SOX30: variants seen among roughly 807,000 people sequenced by gnomAD.
SOX30 encodes the protein transcription factor SOX-30.
SOX30 carries 17 observed loss-of-function variants against 58.6 expected under a neutral mutation model. That is an observed-to-expected ratio of 0.29 (90% CI 0.20 to 0.44). The LOEUF is 0.44. SOX30 is among the 20% of genes least tolerant of loss of function. SOX30 has a pLI of 1.00. For missense variants in SOX30, 951 were observed against 965.8 expected, an observed-to-expected ratio of 0.98 and a Z score of 0.20; for synonymous variants, 421 against 400.2, an observed-to-expected ratio of 1.05 and a Z score of -0.62.
chr5:157,652,159 C>A lies in SOX30; in HGVS notation c.-81G>T. On this transcript the variant is annotated 5_prime_UTR_variant, in exon 1 of 5. Coordinates refer to ENST00000265007, the MANE Select transcript of SOX30 (RefSeq NM_178424.2). Reference sequence around the variant, plus strand: ...TCCCCCTCCCCCTTTCGGTTAAGAGCCTTGCAAGGCCTTTGCTACCCAGAA... The same window carrying A: ...TCCCCCTCCCCCTTTCGGTTAAGAGACTTGCAAGGCCTTTGCTACCCAGAA... The A allele has an allele frequency of 2.2e-6, 3 of 1,374,722 alleles. No individual in the cohort carries two copies. The highest frequency in any genetic ancestry group is 2.8e-6 in the Non-Finnish European group (3 of 1,072,956). 85.2% of individuals were successfully genotyped at this position (1,374,722 alleles called of 1,614,324 possible). A position where few individuals can be genotyped will look rare whatever the true frequency, so the allele number is the denominator to read the frequency against.
At chr5:157,660,525 G>T (rs916663985) in intron 2 of SOX30, among the ~76,000 whole-genome samples, 1 of 151,096 alleles carries the variant, frequency 6.6e-6, no homozygotes, top group Non-Finnish European at 1.5e-5. Context: ...CAAAAGGAGG[G>T]GTCCATTTCA....
chr5:157,639,633 A>G (rs1168607433), intron 3 of SOX30, among the ~76,000 whole-genome samples: 1 of 152,220 alleles, frequency 6.6e-6, no homozygotes, highest in East Asian at 1.9e-4. Flanking sequence ...AGGACTACTG[A>G]TTGAGCTGCT....
At chr5:157,665,694 AATTT>A (rs1219791734) in intron 2 of SOX30, among the ~76,000 whole-genome samples, 4 of 147,732 alleles carry the variant, frequency 2.7e-5, no homozygotes, top group Admixed American at 1.4e-4. Context: ...TATAATTTAT[AATTT>A]ATTTATAATA....
chr5:157,651,095 C>T lies in SOX30; in HGVS notation c.967+17G>A. On this transcript the variant is annotated intron_variant, in intron 1 of 4. Transcript: ENST00000265007. ...CAGACGCAGTTTTGAAAACCCGACT[C>T]CCCTGCTGTCTAATACCTGCATCTG... 1 of 1,510,342 alleles carries T rather than the reference C, an allele frequency of 6.6e-7. No individual in the cohort carries two copies. The highest frequency in any genetic ancestry group is 8.9e-7 in the Non-Finnish European group (1 of 1,128,182). The allele number at this position is 1,510,342 out of a possible 1,614,324, so 93.6% of individuals were successfully genotyped here.
intron 4 of SOX30, among the ~76,000 whole-genome samples, chr5:157,630,831 ATATATATACAT>A (rs1056862560): frequency 7.3e-6 from 1 of 137,644 alleles, no homozygotes; most frequent in Non-Finnish European, 1.5e-5. Flanking sequence ...TTTCCCATTT[ATATATATACAT>A]TATATATATA....
chr5:157,650,830 C>T (rs1759310863), intron 1 of SOX30, among the ~76,000 whole-genome samples: 1 of 152,190 alleles, frequency 6.6e-6, no homozygotes, highest in Non-Finnish European at 1.5e-5. Context: ...TATGCGCTGT[C>T]TAGCAAGAAT....
rs10069380 is a variant in SOX30 at position 157,626,121 on chromosome 5, T to A, written c.*219A>T. 13,441 of 446,454 alleles carry A rather than the reference T, an allele frequency of 0.03. 1,603 individuals are homozygous for A. The highest frequency in any genetic ancestry group is 0.25 in the African/African-American group (12,321 of 49,366). 27.7% of individuals were successfully genotyped at this position (446,454 alleles called of 1,614,324 possible). A position where few individuals can be genotyped will look rare whatever the true frequency, so the allele number is the denominator to read the frequency against. On this transcript the variant is annotated 3_prime_UTR_variant, in exon 5 of 5. Transcript: ENST00000265007. ...TGATGCAAATTTCAGCCATTAAAAT[T>A]AAACTACTTAATAACTTAAATATTC...
At chr5:157,655,599 T>C (rs1007723570), upstream of SOX30, among the ~76,000 whole-genome samples, 3 of 152,162 alleles carry the variant, frequency 2.0e-5, no homozygotes, top group Non-Finnish European at 2.9e-5. Context: ...AAGGGGAAAC[T>C]TGAGAGTCGA....
chr5:157,655,741 T>C (rs2113854352), upstream of SOX30, among the ~76,000 whole-genome samples: 1 of 152,370 alleles, frequency 6.6e-6, no homozygotes, highest in East Asian at 1.9e-4. Flanking sequence ...CAGGCAATGC[T>C]GTCGTCTCTC....
chr5:157,634,499 G>A (rs62390781), intron 4 of SOX30, among the ~76,000 whole-genome samples: 25,321 of 152,052 alleles, frequency 0.17, 2,439 homozygotes, highest in African/African-American at 0.27. Flanking sequence ...GATTACAGGC[G>A]TGAGCCACCA....
At chr5:157,642,321 AAAAAAAAAAG>A (rs1177678137) in intron 3 of SOX30, among the ~76,000 whole-genome samples, 2 of 152,050 alleles carry the variant, frequency 1.3e-5, no homozygotes, top group African/African-American at 4.8e-5. Flanking sequence ...CTCTCAAAAA[AAAAAAAAAAG>A]AAGAAGCTTG....
At chr5:157,631,578 T>C (rs959962248) in intron 4 of SOX30, among the ~76,000 whole-genome samples, 1 of 151,886 alleles carries the variant, frequency 6.6e-6, no homozygotes, top group African/African-American at 2.4e-5. Context: ...CTGGTCAACA[T>C]GGTGAAACCC....
Position 157,648,902 on chromosome 5 carries a change from T to C in SOX30, c.968-6A>G, listed in dbSNP as rs916235614. On this transcript the variant is annotated splice_polypyrimidine_tract_variant and splice_region_variant and intron_variant, in intron 1 of 4. Transcript: ENST00000265007. ...GAAGGGAGTATCTGGTATGCCTACA[T>C]GACAAAAATTAAAAGGCTAAATTAA... 28 of 1,582,686 alleles carry C rather than the reference T, an allele frequency of 1.8e-5. No homozygotes were observed. The highest frequency in any genetic ancestry group is 9.0e-5 in the East Asian group (4 of 44,264).
At chr5:157,639,904 C>T (rs913025797) in intron 3 of SOX30, among the ~76,000 whole-genome samples, 1 of 152,208 alleles carries the variant, frequency 6.6e-6, no homozygotes, top group Admixed American at 6.5e-5. Context: ...TAATGCCCCT[C>T]TTAAAGCAGG....
intron 3 of SOX30, among the ~76,000 whole-genome samples, chr5:157,639,855 G>A (rs1759022599): frequency 6.6e-6 from 1 of 152,196 alleles, no homozygotes; most frequent in South Asian, 2.1e-4. Context: ...CCTCATTCAG[G>A]TGACTTCCCT....
chr5:157,663,320 T>C (rs950046490), intron 2 of SOX30, among the ~76,000 whole-genome samples: 4 of 152,102 alleles, frequency 2.6e-5, no homozygotes, highest in African/African-American at 9.7e-5. Context: ...ATAAACGTAA[T>C]CCAGCATATA....
At position 157,650,886 on chromosome 5, in the gene SOX30, C is replaced by A. The variant is rs531197412; in HGVS notation, c.967+226G>T. Among the ~76,000 whole-genome samples, 6 of 152,218 alleles carry A rather than the reference C, an allele frequency of 3.9e-5. No individual in the cohort carries two copies. In the South Asian group the frequency reaches 1.0e-3, roughly 26 times the overall value. On this transcript the variant is annotated intron_variant, in intron 1 of 4. Coordinates refer to ENST00000265007, the MANE Select transcript of SOX30 (RefSeq NM_178424.2). ...AAATTAGTCCTATCTAAATACTGGG[C>A]CTTAAAATCGATTTTTTAAAAAATA...
chr5:157,632,250 G>T (rs1335103610), intron 4 of SOX30, among the ~76,000 whole-genome samples: 1 of 151,886 alleles, frequency 6.6e-6, no homozygotes. Context: ...ATCCTTTCAG[G>T]TGGTTCTTTC....
At position 157,638,363 on chromosome 5, in the gene SOX30, C is replaced by T. The variant is rs1758981031; in HGVS notation, c.1747G>A (p.Ala583Thr). ...ACATGTGGGTGTGGAATGGGAGAAG[C>T]CTGGGGGATTGGAGCACTTCTGGGA... ...PCPRSAPIPQ[A>T]SPIPHPHVYQ... is the part of the protein sequence containing the mutation. The change falls in exon 4 of 5, where the codon GCT (alanine) becomes ACT (threonine). Residue 583 changes from alanine to threonine, a missense_variant. This residue lies in a region of SOX30 where 381 missense variants were observed against 390.0 expected (regional missense o/e 0.98). Coordinates refer to ENST00000265007, the MANE Select transcript of SOX30 (RefSeq NM_178424.2). The T allele has an allele frequency of 6.2e-7, 1 of 1,613,318 alleles. No homozygotes were observed. The highest frequency in any genetic ancestry group is 2.2e-5 in the East Asian group (1 of 44,864).
Sources: allele counts gnomAD v4.1 joint callset (sites outside exome capture counted in the v4.1 genomes callset), GRCh38; gene constraint gnomAD v4.1.1; regional missense constraint gnomAD v4.1.1; transcripts MANE v1.5; gene names NCBI Gene and HGNC (gene_info 2026-07-23, HGNC 2026-07-21).